The following SHISA6 variants were observed in gnomAD, a reference collection of about 807,000 sequenced individuals.
SHISA6 encodes the protein protein shisa-6.
In SHISA6, 22 loss-of-function variants were observed where a neutral mutation model predicts 47.9. The ratio of observed to expected loss-of-function variants is 0.46; its 90% CI spans 0.33 to 0.66. The LOEUF (loss-of-function observed/expected upper bound fraction) is 0.66. Among genes scored for constraint, SHISA6 ranks in the 30% least tolerant of loss-of-function variants. The pLI is 0.02. For missense variants in SHISA6, 680 were observed against 764.6 expected, an observed-to-expected ratio of 0.89 and a Z score of 1.30; for synonymous variants, 388 against 337.8, an observed-to-expected ratio of 1.15 and a Z score of -1.63.
chr17:11,331,562 T>C (rs1444709548), intron 2 of SHISA6, among the ~76,000 whole-genome samples: 4 of 152,138 alleles, frequency 2.6e-5, no homozygotes, highest in Non-Finnish European at 5.9e-5. Context: ...AATGCACAGC[T>C]AAAATAGACG....
At chr17:11,356,580 G>A (rs533271482) in intron 2 of SHISA6, among the ~76,000 whole-genome samples, 16 of 152,260 alleles carry the variant, frequency 1.1e-4, no homozygotes, top group Middle Eastern at 3.4e-3. Context: ...AGCTGTGGAG[G>A]AGTCACACTC....
At chr17:11,344,220 CA>C (rs1911624138) in intron 2 of SHISA6, among the ~76,000 whole-genome samples, 1 of 152,188 alleles carries the variant, frequency 6.6e-6, no homozygotes, top group African/African-American at 2.4e-5. Context: ...AATCTGGATA[CA>C]AGTCCTTTAT....
chr17:11,549,258 G>A (rs560390855), intron 3 of SHISA6, among the ~76,000 whole-genome samples: 38 of 152,206 alleles, frequency 2.5e-4, no homozygotes, highest in Non-Finnish European at 3.8e-4. Context: ...ATGTCACAGC[G>A]GTTATTTTAG....
At chr17:11,369,137 C>A (rs1390889926) in intron 2 of SHISA6, among the ~76,000 whole-genome samples, 2 of 152,158 alleles carry the variant, frequency 1.3e-5, no homozygotes, top group African/African-American at 4.8e-5. Context: ...TGAGATATGC[C>A]TAGGGCCATT....
chr17:11,537,022 GT>G, intron 3 of SHISA6, among the ~76,000 whole-genome samples: 1 of 152,132 alleles, frequency 6.6e-6, no homozygotes, highest in South Asian at 2.1e-4. Flanking sequence ...AAGACCTAAA[GT>G]TTGTCTTTTT....
intron 2 of SHISA6, among the ~76,000 whole-genome samples, chr17:11,358,088 T>G (rs1380934088): frequency 6.6e-6 from 1 of 152,152 alleles, no homozygotes; most frequent in Non-Finnish European, 1.5e-5. Context: ...AAGTATACAG[T>G]TTACTGATGT....
At chr17:11,244,196 A>G (rs1041288254) in intron 1 of SHISA6, among the ~76,000 whole-genome samples, 1 of 152,132 alleles carries the variant, frequency 6.6e-6, no homozygotes, top group African/African-American at 2.4e-5. Context: ...TTATGCAAAT[A>G]TGGGATGTTT....
chr17:11,533,287 T>C (rs1316906613), intron 3 of SHISA6, among the ~76,000 whole-genome samples: 1 of 152,150 alleles, frequency 6.6e-6, no homozygotes, highest in Non-Finnish European at 1.5e-5. Flanking sequence ...TTCACTCCAA[T>C]TCTTCCTACT....
intron 1 of SHISA6, 41 bp from the exon 2 acceptor site, chr17:11,263,325 C>G: frequency 6.5e-7 from 1 of 1,548,498 alleles, no homozygotes; most frequent in South Asian, 1.2e-5. Context: ...TTGTGCACAC[C>G]TGCTCAGTGA....
intron 3 of SHISA6, among the ~76,000 whole-genome samples, chr17:11,389,250 A>G (rs912704741): frequency 6.6e-6 from 1 of 152,166 alleles, no homozygotes; most frequent in African/African-American, 2.4e-5. Context: ...GTGGCAGGCG[A>G]AGCCACTGGG....
At chr17:11,419,094 T>C (rs898036073) in intron 3 of SHISA6, among the ~76,000 whole-genome samples, 4 of 152,000 alleles carry the variant, frequency 2.6e-5, no homozygotes, top group Non-Finnish European at 5.9e-5. Context: ...GGGATAGCAT[T>C]AGGAGATATA....
At chr17:11,302,682 T>G (rs1232467995) in intron 2 of SHISA6, among the ~76,000 whole-genome samples, 1 of 152,188 alleles carries the variant, frequency 6.6e-6, no homozygotes, top group Non-Finnish European at 1.5e-5. Flanking sequence ...CGTCTTTTGC[T>G]TCCAACATTG....
chr17:11,385,268 G>A (rs1320785097), intron 3 of SHISA6, among the ~76,000 whole-genome samples: 2 of 152,134 alleles, frequency 1.3e-5, no homozygotes, highest in Admixed American at 6.5e-5. Context: ...GGTCTTCCAG[G>A]TGAAGGAACA....
chr17:11,466,163 A>C (rs1481308503), intron 3 of SHISA6, among the ~76,000 whole-genome samples: 1 of 152,180 alleles, frequency 6.6e-6, no homozygotes, highest in East Asian at 1.9e-4. Flanking sequence ...TCTGCACACA[A>C]TCACTGCTCA....
chr17:11,252,058 C>T (rs1425393084), intron 1 of SHISA6, among the ~76,000 whole-genome samples: 1 of 152,146 alleles, frequency 6.6e-6, no homozygotes, highest in African/African-American at 2.4e-5. Flanking sequence ...TCCCTGTTTT[C>T]ATCCTTCTTG....
At chr17:11,366,424 G>C (rs1254360550) in intron 2 of SHISA6, among the ~76,000 whole-genome samples, 3 of 152,242 alleles carry the variant, frequency 2.0e-5, no homozygotes, top group African/African-American at 4.8e-5. Flanking sequence ...ACAGGCATGA[G>C]CCACTGTGCC....
chr17:11,526,591 T>C (rs2071683777), intron 3 of SHISA6, among the ~76,000 whole-genome samples: 1 of 152,176 alleles, frequency 6.6e-6, no homozygotes, highest in South Asian at 2.1e-4. Flanking sequence ...GACTTGTCTC[T>C]CTAACTCCTG....
intron 3 of SHISA6, among the ~76,000 whole-genome samples, chr17:11,417,982 G>A (rs1914333629): frequency 6.6e-6 from 1 of 152,188 alleles, no homozygotes; most frequent in South Asian, 2.1e-4. Flanking sequence ...TCAGTTAGAA[G>A]ATAGTAAGAA....
At chr17:11,475,005 T>C (rs1433241767) in intron 3 of SHISA6, among the ~76,000 whole-genome samples, 1 of 152,196 alleles carries the variant, frequency 6.6e-6, no homozygotes, top group East Asian at 1.9e-4. Context: ...TATTTATTTC[T>C]GTGATTTTTT....
Sources: gnomAD v4.1 joint callset for allele counts (sites outside exome capture counted in the v4.1 genomes callset) on GRCh38, gnomAD v4.1.1 for gene constraint, MANE v1.5 for transcripts, NCBI Gene and HGNC (gene_info 2026-07-23, HGNC 2026-07-21) for gene names.